Variants in SLC25A17 observed in about 807,000 individuals in gnomAD.
SLC25A17 encodes peroxisomal membrane protein PMP34.
Under a neutral mutation model 38.5 loss-of-function variants are expected in SLC25A17, and 26 were observed. That is an observed-to-expected ratio of 0.68 (90% confidence interval 0.50 to 0.94). The LOEUF is 0.94. Among genes scored for constraint, SLC25A17 ranks in the 40% least tolerant of loss-of-function variants. SLC25A17 has a pLI of 0.00. For synonymous variants in SLC25A17, 139 were observed against 136.2 expected (o/e 1.02, Z -0.14); for missense variants, 333 against 372.7 (o/e 0.89, Z 0.88).
At chr22:40,784,644 C>T (rs1360348124) in intron 4 of SLC25A17, 3 of 194,268 alleles carry the variant, frequency 1.5e-5, no homozygotes, top group East Asian at 1.6e-4. Flanking sequence ...GGTGTGGTGG[C>T]ATCCCTGTAG....
At chr22:40,788,323 T>C (rs1287418473) in intron 4 of SLC25A17, among the ~76,000 whole-genome samples, 2 of 152,216 alleles carry the variant, frequency 1.3e-5, no homozygotes, top group East Asian at 3.8e-4. Context: ...GGTAACTACA[T>C]TGTACTGTTT....
intron 4 of SLC25A17, among the ~76,000 whole-genome samples, chr22:40,784,218 A>G (rs2057317819): frequency 6.6e-6 from 1 of 152,150 alleles, no homozygotes; most frequent in African/African-American, 2.4e-5. Context: ...CTAGACACCC[A>G]ATATATATTT....
intron 3 of SLC25A17, among the ~76,000 whole-genome samples, chr22:40,793,755 G>A (rs939059700): frequency 1.3e-5 from 2 of 152,120 alleles, no homozygotes; most frequent in African/African-American, 4.8e-5. Flanking sequence ...TGGGATTGTA[G>A]GCATGCGCTA....
chr22:40,787,687 T>C (rs1361897730), intron 4 of SLC25A17, among the ~76,000 whole-genome samples: 1 of 152,130 alleles, frequency 6.6e-6, no homozygotes, highest in African/African-American at 2.4e-5. Context: ...CTTGACAGTT[T>C]TCTTTTCTTC....
chr22:40,802,043 C>T (rs757981909), intron 1 of SLC25A17, among the ~76,000 whole-genome samples: 1 of 151,980 alleles, frequency 6.6e-6, no homozygotes, highest in Non-Finnish European at 1.5e-5. Flanking sequence ...CCACCCGCCT[C>T]GGCCTCCCAA....
chr22:40,802,221 C>T (rs1474302397), intron 1 of SLC25A17, among the ~76,000 whole-genome samples: 3 of 152,152 alleles, frequency 2.0e-5, no homozygotes, highest in East Asian at 1.9e-4. Context: ...TAAATAGACA[C>T]GTGAAGGTTC....
rs780394382 is a variant in SLC25A17, at chr22:40,799,086, GA to G, written c.55-4del. The G allele has an allele frequency of 1.9e-6, 3 of 1,612,106 alleles. No individual in the cohort carries two copies. Among genetic ancestry groups the G allele is most frequent in the Non-Finnish European group, 1.7e-6 (2 of 1,178,830 alleles). ...ACTGTCATTGCTGTCACGCTTCCCT[GA>G]AAAGTTTGAAAAAGGCCATTACAGC... On this transcript the variant is annotated splice_polypyrimidine_tract_variant and splice_region_variant and intron_variant, in intron 1 of 8. Transcript: ENST00000435456.
At chr22:40,775,756 C>T (rs2057236890) in intron 7 of SLC25A17, among the ~76,000 whole-genome samples, 2 of 152,186 alleles carry the variant, frequency 1.3e-5, no homozygotes, top group South Asian at 4.1e-4. Flanking sequence ...AGCCACCGCG[C>T]CCAACCGATC....
At chr22:40,772,632 CTTTT>C (rs925177899) in intron 8 of SLC25A17, among the ~76,000 whole-genome samples, 2 of 144,244 alleles carry the variant, frequency 1.4e-5, no homozygotes, top group Non-Finnish European at 3.1e-5. Context: ...CTTGAATGTT[CTTTT>C]TTTTTTTTTA....
chr22:40,796,615 CAAAA>C (rs766239207), intron 2 of SLC25A17, among the ~76,000 whole-genome samples: 4 of 96,448 alleles, frequency 4.1e-5, no homozygotes, highest in Admixed American at 1.1e-4. Flanking sequence ...GACTCTGTCT[CAAAA>C]AAAAAAAAAA....
At chr22:40,811,780 G>A (rs2057583846) in intron 1 of SLC25A17, among the ~76,000 whole-genome samples, 1 of 152,156 alleles carries the variant, frequency 6.6e-6, no homozygotes, top group Non-Finnish European at 1.5e-5. Context: ...ATGGCACCAA[G>A]CCATTTATGA....
At chr22:40,802,445 G>T (rs1043648852) in intron 1 of SLC25A17, among the ~76,000 whole-genome samples, 1 of 151,978 alleles carries the variant, frequency 6.6e-6, no homozygotes, top group African/African-American at 2.4e-5. Flanking sequence ...AGGAGTTCGA[G>T]ACCAGCCTGG....
chr22:40,779,303 AT>A (rs1355409507), intron 4 of SLC25A17, 178 bp from the exon 5 acceptor site: 1 of 1,447,848 alleles, frequency 6.9e-7, no homozygotes, highest in African/African-American at 1.4e-5. Flanking sequence ...GTTAGAAGCG[AT>A]TTGGAAGCTT....
chr22:40,773,869 G>T, intron 8 of SLC25A17, 68 bp downstream of exon 8: 1 of 1,103,200 alleles, frequency 9.1e-7, no homozygotes, highest in Non-Finnish European at 1.4e-6. Context: ...AGAGGGAAAT[G>T]CAACCCCTCC....
rs144350095 is a variant in SLC25A17 at position 40,792,539 on chromosome 22, A to G, written c.320T>C (p.Val107Ala). ...QHSTTGKDLV[V>A]GFVAGVVNVL... ...AACCTTGTTACCTGCAACAAACCCAACTACCAGATCTTTTCCAGTGGTAGA... is the reference window on the plus strand; with the variant it reads ...AACCTTGTTACCTGCAACAAACCCAGCTACCAGATCTTTTCCAGTGGTAGA... Residue 107 changes from valine to alanine, a missense_variant, in exon 4 of 9, where the codon GTT becomes GCT. Physicochemically the swap from Val to Ala is moderately conservative, Grantham distance 64. Coordinates refer to ENST00000435456, the MANE Select transcript of SLC25A17 (RefSeq NM_006358.4). 118 of 1,610,646 alleles carry G rather than the reference A, an allele frequency of 7.3e-5. No individual in the cohort carries two copies. Among genetic ancestry groups the G allele is most frequent in the South Asian group, 1.3e-4 (12 of 90,454 alleles).
At chr22:40,810,591 C>T (rs1602628329) in intron 1 of SLC25A17, among the ~76,000 whole-genome samples, 2 of 152,144 alleles carry the variant, frequency 1.3e-5, no homozygotes, top group Admixed American at 1.3e-4. Flanking sequence ...AGGTGATCCG[C>T]CCACCTTGGC....
intron 1 of SLC25A17, among the ~76,000 whole-genome samples, chr22:40,803,439 A>T (rs1199733401): frequency 6.6e-6 from 1 of 152,200 alleles, no homozygotes; most frequent in South Asian, 2.1e-4. Flanking sequence ...TTCACTTAAC[A>T]TAATATTTAT....
At chr22:40,793,744 C>T (rs933609873) in intron 3 of SLC25A17, among the ~76,000 whole-genome samples, 5 of 152,114 alleles carry the variant, frequency 3.3e-5, no homozygotes, top group African/African-American at 1.2e-4. Flanking sequence ...TCCTTAGTAG[C>T]TGGGATTGTA....
rs2057456675 is a variant in SLC25A17, at chr22:40,799,028, AG to A, written c.109del (p.Leu37PhefsTer35). ...GGAGTATGATTTCTACTTACCCTGA[AG>A]TCGAAGTCTAGCTGTATCCAGGGGA... ...FFPLDTARLR[L>X]QVDEKRKSKT... On this transcript the variant is annotated frameshift_variant, in exon 2 of 9. Coordinates refer to ENST00000435456, the MANE Select transcript of SLC25A17 (RefSeq NM_006358.4). LOFTEE classifies it high-confidence loss of function. The A allele has an allele frequency of 1.2e-6, 2 of 1,610,070 alleles. No homozygotes were observed. Among genetic ancestry groups the A allele is most frequent in the Non-Finnish European group, 1.7e-6 (2 of 1,176,396 alleles).
Sources: gnomAD v4.1 joint callset for allele counts (sites outside exome capture counted in the v4.1 genomes callset) on GRCh38, gnomAD v4.1.1 for gene constraint, MANE v1.5 for transcripts, NCBI Gene and HGNC (gene_info 2026-07-23, HGNC 2026-07-21) for gene names.